The following STIM2 variants were observed in gnomAD, a reference collection of about 807,000 sequenced individuals.
STIM2 encodes stromal interaction molecule 2.
STIM2 carries 31 observed loss-of-function variants against 85.8 expected under a neutral mutation model. That is an observed-to-expected ratio of 0.36 (90% confidence interval 0.27 to 0.49). STIM2 has a LOEUF of 0.49. Among genes scored for constraint, STIM2 ranks in the 20% least tolerant of loss-of-function variants. The pLI, the probability that STIM2 is intolerant of heterozygous loss-of-function variation, is 0.98. For missense variants in STIM2, 841 were observed against 927.6 expected, an observed-to-expected ratio of 0.91 and a Z score of 1.21; for synonymous variants, 356 against 331.1, an observed-to-expected ratio of 1.08 and a Z score of -0.82.
intron 10 of STIM2, among the ~76,000 whole-genome samples, chr4:27,014,036 T>C: frequency 6.6e-6 from 1 of 152,122 alleles, no homozygotes; most frequent in African/African-American, 2.4e-5. Flanking sequence ...TATACTGTTT[T>C]ATATGATGTA....
intron 1 of STIM2, among the ~76,000 whole-genome samples, chr4:26,873,117 A>G (rs1722687020): frequency 1.3e-5 from 2 of 152,178 alleles, no homozygotes; most frequent in Admixed American, 1.3e-4. Flanking sequence ...AGAGGGTAAC[A>G]GGCCGGGTGT....
In STIM2 at chr4:26,924,086, T is replaced by C. The variant is rs1170258212; in HGVS notation, c.282+4452T>C. 3.1e-3 allele frequency among the ~76,000 whole-genome samples: 28 copies of C among 8,898 alleles called. 3 individuals carry two copies. Among genetic ancestry groups the C allele is most frequent in the Non-Finnish European group, 3.9e-3 (24 of 6,196 alleles). 5.8% of individuals were successfully genotyped at this position (8,898 alleles called of 152,430 possible). A position where few individuals can be genotyped will look rare whatever the true frequency, so the allele number is the denominator to read the frequency against. On this transcript the variant is annotated intron_variant, in intron 2 of 11. Coordinates refer to ENST00000467087, the MANE Select transcript of STIM2 (RefSeq NM_020860.4). ...CCCACACATTAATAATGGGAGACTT[T>C]AACACCTCACTGTCAACATTAGACA...
intron 5 of STIM2, among the ~76,000 whole-genome samples, chr4:27,000,880 A>G (rs1303203745): frequency 6.6e-6 from 1 of 151,438 alleles, no homozygotes; most frequent in East Asian, 1.9e-4. Context: ...TTATTTATCT[A>G]TTTATTGTTA....
intron 1 of STIM2, among the ~76,000 whole-genome samples, chr4:26,903,058 T>A (rs1049404143): frequency 6.6e-6 from 1 of 152,106 alleles, no homozygotes; most frequent in African/African-American, 2.4e-5. Flanking sequence ...CATCTCTGTA[T>A]TATGGAGTCT....
At chr4:27,002,019 A>G (rs1382506342) in intron 5 of STIM2, among the ~76,000 whole-genome samples, 198 bp from the exon 6 acceptor site, 5 of 152,202 alleles carry the variant, frequency 3.3e-5, no homozygotes, top group Admixed American at 1.3e-4. Context: ...CTGCCCTTCT[A>G]TAAGTCTAGT....
chr4:26,929,459 C>T lies in STIM2; in HGVS notation c.282+9825C>T, dbSNP rs140838406. On this transcript the variant is annotated intron_variant, in intron 2 of 11. Transcript: ENST00000467087. The stretch of plus-strand genomic sequence containing the variant: ...CTGGCCTTCACTAGGAGACTTTATA[C>T]GTTTGATAGGAAACCTTAGCCCAAA... 6.6e-5 allele frequency among the ~76,000 whole-genome samples: 10 copies of T among 152,074 alleles called. No homozygotes were observed. In the East Asian group the frequency reaches 9.7e-4, roughly 15 times the overall value.
At position 26,997,033 on chromosome 4, in the gene STIM2, A is replaced by G. The variant is rs561823321; in HGVS notation, c.509+1543A>G. 1.1e-3 allele frequency among the ~76,000 whole-genome samples: 170 copies of G among 152,140 alleles called. 3 individuals are homozygous for G. Among genetic ancestry groups the G allele is most frequent in the Non-Finnish European group, 2.9e-4 (20 of 68,000 alleles). On this transcript the variant is annotated intron_variant, in intron 4 of 11. Coordinates refer to ENST00000467087, the MANE Select transcript of STIM2 (RefSeq NM_020860.4). ...GAACATGTTACTATAGAAAAACATT[A>G]TAACTTCAGTTTTCAGGTCAGCCCA...
chr4:27,017,642 A>G, intron 10 of STIM2, 69 bp from the exon 11 acceptor site: 2 of 1,566,484 alleles, frequency 1.3e-6, no homozygotes, highest in South Asian at 1.2e-5. Flanking sequence ...TCTTGTGTGT[A>G]TGTATTTGTG....
In STIM2 at chr4:26,882,194, A is replaced by C. The variant is rs186077926; in HGVS notation, c.151+20825A>C. 1.6e-3 allele frequency among the ~76,000 whole-genome samples: 238 copies of C among 152,360 alleles called. 1 individual carries two copies. Among genetic ancestry groups the C allele is most frequent in the African/African-American group, 5.6e-3 (231 of 41,600 alleles). On this transcript the variant is annotated intron_variant, in intron 1 of 11. Transcript: ENST00000467087. ...GATGTGTTAAACTAATGAGAAGATG[A>C]AGACTGATTCTTTTCTGACATTCTC...
intron 2 of STIM2, among the ~76,000 whole-genome samples, chr4:26,956,896 T>G (rs1344595595): frequency 6.6e-6 from 1 of 152,164 alleles, no homozygotes; most frequent in Non-Finnish European, 1.5e-5. Flanking sequence ...TTAGCCTCTT[T>G]GGGCCTTGGT....
chr4:26,958,872 T>A (rs1359018475), intron 3 of STIM2, among the ~76,000 whole-genome samples: 1 of 152,118 alleles, frequency 6.6e-6, no homozygotes, highest in Non-Finnish European at 1.5e-5. Context: ...GAGGTGGAGA[T>A]CCATTACAGA....
At chr4:26,912,513 A>G (rs1724382950) in intron 1 of STIM2, among the ~76,000 whole-genome samples, 1 of 152,224 alleles carries the variant, frequency 6.6e-6, no homozygotes, top group Non-Finnish European at 1.5e-5. Flanking sequence ...TGCCATATTT[A>G]TTCCTCTAGT....
At chr4:26,915,779 C>T (rs984822520) in intron 1 of STIM2, among the ~76,000 whole-genome samples, 5 of 152,188 alleles carry the variant, frequency 3.3e-5, no homozygotes, top group African/African-American at 1.2e-4. Flanking sequence ...CTGTATCACA[C>T]TATGTTGCAT....
At chr4:26,885,858 T>C (rs997582794) in intron 1 of STIM2, among the ~76,000 whole-genome samples, 1 of 76,768 alleles carries the variant, frequency 1.3e-5, no homozygotes. Context: ...TATATATATA[T>C]ATATATATAT....
rs200376005 is a variant in STIM2, at chr4:27,009,430, C to CTGA, written c.1489+429_1489+431dup. ...GCCAAATCAGTGTGGGAATGAAGTG[C>CTGA]TGAGCATTCAGGGAAAATATCCTTT... is the stretch of plus-strand genomic sequence containing the variant. On this transcript the variant is annotated intron_variant, in intron 10 of 11. Transcript: ENST00000467087. Among the ~76,000 whole-genome samples the CTGA allele has an allele frequency of 8.3e-4, 127 of 152,214 alleles. 1 individual carries two copies. In the East Asian group the frequency reaches 0.022, roughly 27 times the overall value.
chr4:26,873,001 G>A (rs180756683), intron 1 of STIM2, among the ~76,000 whole-genome samples: 6 of 152,286 alleles, frequency 3.9e-5, no homozygotes, highest in Admixed American at 3.9e-4. Context: ...TTTTGACCCA[G>A]CATCTTGAGG....
chr4:27,002,105 A>C, intron 5 of STIM2, 112 bp from the exon 6 acceptor site: 1 of 908,542 alleles, frequency 1.1e-6, no homozygotes, highest in Non-Finnish European at 1.6e-6. Context: ...TGCATGGGAA[A>C]GAGATCTCCA....
At chr4:26,917,966 G>A (rs565948049) in intron 1 of STIM2, among the ~76,000 whole-genome samples, 1 of 152,256 alleles carries the variant, frequency 6.6e-6, no homozygotes, top group East Asian at 1.9e-4. Flanking sequence ...TAGGGATCAT[G>A]ATTGACCATT....
rs1342149958 is a variant in STIM2, at chr4:26,861,031, C to A, written c.-188C>A. The A allele has an allele frequency of 4.1e-6, 5 of 1,226,468 alleles. No homozygotes were observed. The highest frequency in any genetic ancestry group is 4.4e-5 in the South Asian group (2 of 45,468). The allele number at this position is 1,226,468 out of a possible 1,614,324, so 76.0% of individuals were successfully genotyped here. A position where few individuals can be genotyped will look rare whatever the true frequency, so the allele number is the denominator to read the frequency against. On this transcript the variant is annotated 5_prime_UTR_variant, in exon 1 of 12. Transcript: ENST00000467087. The stretch of plus-strand genomic sequence containing the variant: ...ACCAGGCTGGCGCCCGGCGGGAGCC[C>A]GTGTCTGAGGCGGCGGGGGCGGCCG...
Sources: allele counts gnomAD v4.1 joint callset (sites outside exome capture counted in the v4.1 genomes callset), GRCh38; gene constraint gnomAD v4.1.1; transcripts MANE v1.5; gene names NCBI Gene and HGNC (gene_info 2026-07-23, HGNC 2026-07-21).